Variants in ATP8A2 observed in about 807,000 individuals in gnomAD.
ATP8A2 encodes the protein ATPase phospholipid transporting 8A2.
ATP8A2 carries 100 observed loss-of-function variants against 165.6 expected under a neutral mutation model. That is an observed-to-expected ratio of 0.60 (90% CI 0.51 to 0.71). The LOEUF (loss-of-function observed/expected upper bound fraction) is 0.71, where lower values mean the gene tolerates loss of function less well. Among genes scored for constraint, ATP8A2 ranks in the 30% least tolerant of loss-of-function variants. ATP8A2 has a pLI of 0.00. For missense variants in ATP8A2, 1,227 were observed against 1,479.5 expected, an observed-to-expected ratio of 0.83 and a Z score of 2.80; for synonymous variants, 543 against 548.8, an observed-to-expected ratio of 0.99 and a Z score of 0.15.
intron 24 of ATP8A2, among the ~76,000 whole-genome samples, chr13:25,615,325 G>A (rs2040795110): frequency 6.6e-6 from 1 of 152,148 alleles, no homozygotes; most frequent in African/African-American, 2.4e-5. Context: ...GGGGAATGCT[G>A]GCAGTTACAG....
intron 1 of ATP8A2, among the ~76,000 whole-genome samples, chr13:25,380,795 T>C (rs1213213281): frequency 1.3e-5 from 2 of 152,116 alleles, no homozygotes; most frequent in Non-Finnish European, 2.9e-5. Flanking sequence ...GAAACCAAGG[T>C]CATGAAAGGT....
At chr13:25,375,533 G>T (rs1400425058) in intron 1 of ATP8A2, among the ~76,000 whole-genome samples, 1 of 152,098 alleles carries the variant, frequency 6.6e-6, no homozygotes, top group Non-Finnish European at 1.5e-5. Flanking sequence ...GAAAGAACGG[G>T]CAGGCAGGAA....
intron 2 of ATP8A2, among the ~76,000 whole-genome samples, chr13:25,494,556 T>C (rs1314504455): frequency 6.6e-6 from 1 of 152,222 alleles, no homozygotes; most frequent in Non-Finnish European, 1.5e-5. Context: ...CTTTTCTGTT[T>C]GTTTGCCTGC....
chr13:25,572,285 C>A (rs531175361), intron 18 of ATP8A2, among the ~76,000 whole-genome samples: 1 of 152,174 alleles, frequency 6.6e-6, no homozygotes, highest in Non-Finnish European at 1.5e-5. Flanking sequence ...ACTACAGGCA[C>A]GTGCCACCAC....
chr13:25,948,764 G>A (rs1476693170), intron 33 of ATP8A2, among the ~76,000 whole-genome samples: 2 of 152,188 alleles, frequency 1.3e-5, no homozygotes, highest in African/African-American at 2.4e-5. Flanking sequence ...GTCTCTGCAA[G>A]CCAGGAAGAG....
intron 23 of ATP8A2, among the ~76,000 whole-genome samples, chr13:25,588,996 C>T (rs576447899): frequency 2.0e-4 from 31 of 152,190 alleles, no homozygotes; most frequent in Admixed American, 1.8e-3. Flanking sequence ...AGTTCTCCTG[C>T]TGGGAGGGAA....
chr13:25,499,023 A>C (rs1214613815), intron 2 of ATP8A2, among the ~76,000 whole-genome samples: 1 of 152,206 alleles, frequency 6.6e-6, no homozygotes, highest in Admixed American at 6.5e-5. Flanking sequence ...AGGAAAGTAA[A>C]ACTGAGATTC....
In ATP8A2 at chr13:25,843,868, C is replaced by G. The variant is rs1275787050; in HGVS notation, c.2956+4244C>G. ...AGGAGGTAGGGGCTGGAAAAGGGAA[C>G]AAATACTTGAGAGAGGATCTGATCA... On this transcript the variant is annotated intron_variant, in intron 30 of 36. Coordinates refer to ENST00000381655, the MANE Select transcript of ATP8A2 (RefSeq NM_016529.6). Among the ~76,000 whole-genome samples the G allele has an allele frequency of 5.3e-5, 8 of 152,110 alleles. 1 individual carries two copies. Among genetic ancestry groups the G allele is most frequent in the Admixed American group, 5.2e-4 (8 of 15,264 alleles).
chr13:25,514,775 A>G (rs571802552), intron 2 of ATP8A2, among the ~76,000 whole-genome samples: 3 of 152,008 alleles, frequency 2.0e-5, no homozygotes, highest in Non-Finnish European at 4.4e-5. Context: ...ACCCTTTTCC[A>G]TCATTGATGT....
chr13:25,881,517 T>C (rs1952977147), intron 33 of ATP8A2, among the ~76,000 whole-genome samples: 1 of 152,160 alleles, frequency 6.6e-6, no homozygotes, highest in African/African-American at 2.4e-5. Context: ...GACTTGTGGC[T>C]TTATTTTTTA....
intron 30 of ATP8A2, among the ~76,000 whole-genome samples, chr13:25,845,016 G>C (rs1951826174): frequency 6.6e-6 from 1 of 152,180 alleles, no homozygotes; most frequent in African/African-American, 2.4e-5. Flanking sequence ...GTTTTGGAGA[G>C]ACTTTTCAAA....
chr13:25,615,228 G>A (rs2040792635), intron 24 of ATP8A2, among the ~76,000 whole-genome samples: 1 of 152,166 alleles, frequency 6.6e-6, no homozygotes, highest in Admixed American at 6.5e-5. Context: ...TGTGGTGGAT[G>A]GAGATGTGGT....
chr13:25,622,128 C>T (rs2040984080), intron 24 of ATP8A2, among the ~76,000 whole-genome samples: 1 of 151,716 alleles, frequency 6.6e-6, no homozygotes, highest in Non-Finnish European at 1.5e-5. Flanking sequence ...ATTGCTTGAA[C>T]CCGGGAGGTG....
intron 36 of ATP8A2, among the ~76,000 whole-genome samples, chr13:26,015,295 G>A (rs1055328379): frequency 1.3e-5 from 2 of 152,152 alleles, no homozygotes; most frequent in Admixed American, 6.5e-5. Flanking sequence ...AGCTGGTCCT[G>A]GGGTGCAGGA....
intron 34 of ATP8A2, among the ~76,000 whole-genome samples, chr13:25,963,298 G>A (rs1955699797): frequency 6.6e-6 from 1 of 151,520 alleles, no homozygotes; most frequent in African/African-American, 2.4e-5. Context: ...GGAGGCTGAG[G>A]CAGGAGAATC....
chr13:25,410,140 C>T (rs1175601133), intron 1 of ATP8A2, among the ~76,000 whole-genome samples: 4 of 151,596 alleles, frequency 2.6e-5, no homozygotes, highest in Non-Finnish European at 5.9e-5. Context: ...CCACATAAAC[C>T]CCATTAGCGT....
At chr13:25,463,426 A>G (rs974899419) in intron 1 of ATP8A2, among the ~76,000 whole-genome samples, 8 of 151,956 alleles carry the variant, frequency 5.3e-5, no homozygotes, top group African/African-American at 1.9e-4. Flanking sequence ...TAATATATAC[A>G]TACATATTAT....
chr13:25,494,156 C>T (rs1314966434), intron 2 of ATP8A2, among the ~76,000 whole-genome samples: 1 of 152,000 alleles, frequency 6.6e-6, no homozygotes, highest in African/African-American at 2.4e-5. Flanking sequence ...TCTGTGGCAC[C>T]AAGAACCTAG....
At chr13:25,814,452 C>G (rs960438360) in intron 27 of ATP8A2, among the ~76,000 whole-genome samples, 1 of 151,874 alleles carries the variant, frequency 6.6e-6, no homozygotes, top group Non-Finnish European at 1.5e-5. Context: ...TTGGAGGACT[C>G]AACATTTCCT....
Sources: allele counts gnomAD v4.1 joint callset (sites outside exome capture counted in the v4.1 genomes callset), GRCh38; gene constraint gnomAD v4.1.1; transcripts MANE v1.5; gene names NCBI Gene and HGNC (gene_info 2026-07-23, HGNC 2026-07-21).